C1orf21: variants seen among roughly 807,000 people sequenced by gnomAD.
The protein encoded by C1orf21 is chromosome 1 open reading frame 21, also known as uncharacterized protein C1orf21.
A neutral mutation model predicts 18.7 loss-of-function variants in C1orf21; 3 were observed. The ratio of observed to expected loss-of-function variants is 0.16; its 90% CI spans 0.07 to 0.42. C1orf21 has a LOEUF of 0.42. C1orf21 is among the 10% of genes least tolerant of loss of function. C1orf21 has a pLI of 0.99. For missense variants in C1orf21, 104 were observed against 143.6 expected, an observed-to-expected ratio of 0.72 and a Z score of 1.41; for synonymous variants, 41 against 46.4, an observed-to-expected ratio of 0.88 and a Z score of 0.47.
intron 2 of C1orf21, among the ~76,000 whole-genome samples, chr1:184,479,361 C>T (rs544196219): frequency 6.6e-6 from 1 of 152,234 alleles, no homozygotes; most frequent in Admixed American, 6.5e-5. Flanking sequence ...TATAATAGAG[C>T]TACCATTTAT....
At chr1:184,437,778 A>G (rs747965446) in intron 1 of C1orf21, among the ~76,000 whole-genome samples, 1 of 152,066 alleles carries the variant, frequency 6.6e-6, no homozygotes, top group Non-Finnish European at 1.5e-5. Flanking sequence ...AAATAATTAT[A>G]TAACTCACCA....
At chr1:184,576,607 A>G (rs1044524075) in intron 3 of C1orf21, among the ~76,000 whole-genome samples, 6 of 152,136 alleles carry the variant, frequency 3.9e-5, no homozygotes, top group Admixed American at 6.5e-5. Flanking sequence ...GGCCTCCACT[A>G]CCACCCAGCT....
chr1:184,560,492 A>G (rs905986414), intron 3 of C1orf21, among the ~76,000 whole-genome samples: 8 of 152,368 alleles, frequency 5.3e-5, no homozygotes, highest in African/African-American at 1.9e-4. Context: ...AGAAAAGGCA[A>G]ATCAGAATAT....
intron 1 of C1orf21, among the ~76,000 whole-genome samples, chr1:184,396,290 G>C (rs1349283891): frequency 1.3e-5 from 2 of 152,106 alleles, no homozygotes; most frequent in African/African-American, 2.4e-5. Flanking sequence ...AGACTGGAGG[G>C]GACAGAGATG....
chr1:184,589,696 T>G (rs1409431362), intron 3 of C1orf21, among the ~76,000 whole-genome samples: 1 of 152,246 alleles, frequency 6.6e-6, no homozygotes, highest in Admixed American at 6.5e-5. Flanking sequence ...TTTGGAGTAC[T>G]GATGATAGGC....
At chr1:184,553,510 G>T (rs1323917165) in intron 3 of C1orf21, among the ~76,000 whole-genome samples, 1 of 152,180 alleles carries the variant, frequency 6.6e-6, no homozygotes, top group East Asian at 1.9e-4. Context: ...CCGTTTTACA[G>T]AAATAGGCTT....
At chr1:184,531,355 T>C (rs1414135954) in intron 3 of C1orf21, among the ~76,000 whole-genome samples, 1 of 152,166 alleles carries the variant, frequency 6.6e-6, no homozygotes, top group African/African-American at 2.4e-5. Flanking sequence ...CAACCCTCCA[T>C]ATGTATTTCT....
chr1:184,408,038 ACAGT>A (rs1557964289), intron 1 of C1orf21, among the ~76,000 whole-genome samples: 1 of 152,152 alleles, frequency 6.6e-6, no homozygotes, highest in Non-Finnish European at 1.5e-5. Context: ...TGGGCCACAG[ACAGT>A]CTGAGTTCTC....
At chr1:184,519,192 T>C (rs1027648902) in intron 3 of C1orf21, among the ~76,000 whole-genome samples, 1 of 152,184 alleles carries the variant, frequency 6.6e-6, no homozygotes, top group Non-Finnish European at 1.5e-5. Context: ...TGTTATAAAA[T>C]GTGATTGCTT....
intron 5 of C1orf21, among the ~76,000 whole-genome samples, chr1:184,611,014 A>G (rs1008910114): frequency 6.6e-6 from 1 of 152,184 alleles, no homozygotes; most frequent in African/African-American, 2.4e-5. Context: ...TGCTGTTATT[A>G]TCACGGTGAT....
rs562298411 is a variant in C1orf21 at position 184,426,229 on chromosome 1, G to A, written c.-125+38861G>A. Among the ~76,000 whole-genome samples, 3 of 152,318 alleles carry A rather than the reference G, an allele frequency of 2.0e-5. No homozygotes were observed. The East Asian group carries it at 5.8e-4, about 29-fold the overall frequency. On this transcript the variant is annotated intron_variant, in intron 1 of 5. Transcript: ENST00000235307. ...AGTGCATGATCAATTCGTCTGTCCA[G>A]GATTACTGAGAAGTCTCCTAACTGG... is the stretch of plus-strand genomic sequence containing the variant.
At chr1:184,438,958 C>T (rs888033183) in intron 1 of C1orf21, among the ~76,000 whole-genome samples, 5 of 152,204 alleles carry the variant, frequency 3.3e-5, no homozygotes, top group Non-Finnish European at 7.3e-5. Context: ...CGCCTGCAAT[C>T]CCAGCACTTT....
chr1:184,576,145 C>A (rs1659186691), intron 3 of C1orf21, among the ~76,000 whole-genome samples: 1 of 148,848 alleles, frequency 6.7e-6, no homozygotes, highest in Admixed American at 6.7e-5. Flanking sequence ...TTTTTTTTGG[C>A]ATAGAGTCTC....
intron 3 of C1orf21, among the ~76,000 whole-genome samples, chr1:184,578,575 A>C (rs777676529): frequency 6.6e-5 from 10 of 152,162 alleles, no homozygotes; most frequent in Non-Finnish European, 1.5e-4. Flanking sequence ...TTTGTTTTGA[A>C]GTTTAAGCTC....
intron 1 of C1orf21, among the ~76,000 whole-genome samples, chr1:184,455,443 A>G (rs925425052): frequency 6.6e-6 from 1 of 152,188 alleles, no homozygotes; most frequent in African/African-American, 2.4e-5. Context: ...GGTGTATCCC[A>G]GTCCTGTTGG....
intron 1 of C1orf21, among the ~76,000 whole-genome samples, chr1:184,403,197 T>C (rs1199207916): frequency 6.6e-6 from 1 of 152,234 alleles, no homozygotes; most frequent in Non-Finnish European, 1.5e-5. Context: ...GCAAACAGTG[T>C]ATATGTCTAT....
intron 3 of C1orf21, among the ~76,000 whole-genome samples, chr1:184,584,033 TC>T (rs1659317689): frequency 6.6e-6 from 1 of 152,022 alleles, no homozygotes; most frequent in Admixed American, 6.6e-5. Context: ...GTCTGCTTTA[TC>T]CGAGCTGCTG....
intron 3 of C1orf21, among the ~76,000 whole-genome samples, chr1:184,554,164 A>G (rs1658848216): frequency 6.6e-6 from 1 of 152,146 alleles, no homozygotes; most frequent in Admixed American, 6.5e-5. Context: ...AATTTTGATA[A>G]CCTGTAATGA....
chr1:184,396,792 T>A (rs970738354), intron 1 of C1orf21, among the ~76,000 whole-genome samples: 1 of 152,188 alleles, frequency 6.6e-6, no homozygotes, highest in Non-Finnish European at 1.5e-5. Flanking sequence ...AATTGCTCAT[T>A]CATTTTTGAG....
Sources: gnomAD v4.1 joint callset for allele counts (sites outside exome capture counted in the v4.1 genomes callset) on GRCh38, gnomAD v4.1.1 for gene constraint, MANE v1.5 for transcripts, NCBI Gene and HGNC (gene_info 2026-07-23, HGNC 2026-07-21) for gene names.